The following ABLIM1 variants were observed in gnomAD, a reference collection of about 807,000 sequenced individuals.
The protein encoded by ABLIM1 is actin binding LIM protein 1.
In ABLIM1, 40 loss-of-function variants were observed where a neutral mutation model predicts 107.0. That is an observed-to-expected ratio of 0.37 (90% CI 0.29 to 0.49). The LOEUF is 0.49. Among genes scored for constraint, ABLIM1 ranks in the 20% least tolerant of loss-of-function variants. ABLIM1 has a pLI of 0.97. For missense variants in ABLIM1, 857 were observed against 1,008.5 expected, an observed-to-expected ratio of 0.85 and a Z score of 2.04; for synonymous variants, 357 against 357.3, an observed-to-expected ratio of 1.00 and a Z score of 0.01.
At chr10:114,567,062 G>C (rs573783282) in intron 4 of ABLIM1, among the ~76,000 whole-genome samples, 1 of 152,228 alleles carries the variant, frequency 6.6e-6, no homozygotes, top group Non-Finnish European at 1.5e-5. Context: ...AACAAAAACT[G>C]TCTGGTGGTT....
intron 1 of ABLIM1, among the ~76,000 whole-genome samples, chr10:114,724,176 T>G (rs1461092394): frequency 1.3e-5 from 2 of 152,308 alleles, no homozygotes; most frequent in South Asian, 2.1e-4. Context: ...CATTCATTAT[T>G]ATTGTGCAAC....
intron 1 of ABLIM1, among the ~76,000 whole-genome samples, chr10:114,742,200 A>G (rs2082301634): frequency 6.6e-6 from 1 of 151,962 alleles, no homozygotes; most frequent in African/African-American, 2.4e-5. Flanking sequence ...ATAAAAAACT[A>G]CTCTTTTGCG....
intron 6 of ABLIM1, among the ~76,000 whole-genome samples, chr10:114,525,524 C>G (rs773007408): frequency 1.3e-5 from 2 of 152,214 alleles, no homozygotes; most frequent in African/African-American, 2.4e-5. Context: ...TCTTAAAAAG[C>G]CTTCTCAAAA....
intron 4 of ABLIM1, among the ~76,000 whole-genome samples, chr10:114,550,006 C>G (rs2067849769): frequency 6.6e-6 from 1 of 152,164 alleles, no homozygotes; most frequent in Non-Finnish European, 1.5e-5. Context: ...TGTTTAACTT[C>G]ACATCCTCTG....
chr10:114,487,309 G>A (rs974471566), intron 8 of ABLIM1, among the ~76,000 whole-genome samples: 1 of 152,146 alleles, frequency 6.6e-6, no homozygotes, highest in African/African-American at 2.4e-5. Context: ...TCTGATTATT[G>A]CACTGAAAAA....
chr10:114,593,452 C>T (rs954561044), intron 2 of ABLIM1, among the ~76,000 whole-genome samples: 1 of 152,132 alleles, frequency 6.6e-6, no homozygotes, highest in African/African-American at 2.4e-5. Flanking sequence ...CTCCATGCTC[C>T]CCAAATCCCT....
intron 1 of ABLIM1, among the ~76,000 whole-genome samples, chr10:114,663,704 C>G (rs544477737): frequency 6.6e-6 from 1 of 152,202 alleles, no homozygotes; most frequent in South Asian, 2.1e-4. Context: ...GGCACATGCC[C>G]GAGAGGCCCT....
chr10:114,487,793 A>G (rs1439416222), intron 8 of ABLIM1, among the ~76,000 whole-genome samples, 165 bp downstream of exon 8: 2 of 152,228 alleles, frequency 1.3e-5, no homozygotes, highest in Non-Finnish European at 2.9e-5. Context: ...CGTTTAAGGT[A>G]AGAGGGGAAC....
At chr10:114,549,158 A>C (rs1321575419) in intron 4 of ABLIM1, among the ~76,000 whole-genome samples, 1 of 152,094 alleles carries the variant, frequency 6.6e-6, no homozygotes, top group Non-Finnish European at 1.5e-5. Context: ...GCCGAGGCGG[A>C]TGGATCACCT....
chr10:114,704,343 G>T (rs1314955616), intron 1 of ABLIM1, among the ~76,000 whole-genome samples: 1 of 95,592 alleles, frequency 1.0e-5, no homozygotes. Context: ...TATTGCGCGC[G>T]TTACATCTGT....
chr10:114,601,783 C>T lies in ABLIM1; in HGVS notation c.379+44G>A, dbSNP rs200517821. 283 of 1,613,846 alleles carry T rather than the reference C, an allele frequency of 1.8e-4. No individual in the cohort carries two copies. Among genetic ancestry groups the T allele is most frequent in the Admixed American group, 1.8e-4 (11 of 60,004 alleles). On this transcript the variant is annotated intron_variant, in intron 2 of 22. Transcript: ENST00000533213. ...GATGGGCTGGACCCAAGGCAAGCCC[C>T]GACCATGGCATGCCACTGAGCCACG...
chr10:114,440,778 G>A (rs183596630), intron 19 of ABLIM1: 9 of 618,606 alleles, frequency 1.5e-5, no homozygotes, highest in African/African-American at 1.3e-4. Flanking sequence ...ATCTGATAGA[G>A]TGCTCAGCAC....
At chr10:114,759,082 C>T (rs1377750458) in intron 1 of ABLIM1, among the ~76,000 whole-genome samples, 3 of 152,216 alleles carry the variant, frequency 2.0e-5, no homozygotes, top group African/African-American at 4.8e-5. Flanking sequence ...TTTGCATGCT[C>T]GACCCACAAC....
chr10:114,525,939 TC>T (rs1025809866), intron 6 of ABLIM1, among the ~76,000 whole-genome samples: 1 of 151,792 alleles, frequency 6.6e-6, no homozygotes, highest in African/African-American at 2.4e-5. Flanking sequence ...TAAAACACTT[TC>T]CCCCCAAAAA....
rs1228644656 is a variant in ABLIM1, at chr10:114,468,424, C to T, written c.1276-208G>A. Among the ~76,000 whole-genome samples the T allele has an allele frequency of 6.5e-4, 55 of 84,132 alleles. 1 individual carries two copies. The East Asian group carries it at 0.015, about 23-fold the overall frequency. The allele number at this position is 84,132 out of a possible 152,430, so 55.2% of individuals were successfully genotyped here. A position where few individuals can be genotyped will look rare whatever the true frequency, so the allele number is the denominator to read the frequency against. ...CAAGTAGCTGGGACTACAGGCGCCG[C>T]CACCACCCCCAGCTACTTTTTTTGT... On this transcript the variant is annotated intron_variant, in intron 10 of 22. Coordinates refer to ENST00000533213, the MANE Select transcript of ABLIM1 (RefSeq NM_002313.7).
At chr10:114,722,534 C>G (rs1456988448) in intron 1 of ABLIM1, among the ~76,000 whole-genome samples, 2 of 152,218 alleles carry the variant, frequency 1.3e-5, no homozygotes, top group Non-Finnish European at 2.9e-5. Context: ...GAGATCCAAA[C>G]TTCTAAATCA....
intron 12 of ABLIM1, among the ~76,000 whole-genome samples, chr10:114,464,188 T>TC (rs2064616014): frequency 6.6e-6 from 1 of 150,856 alleles, no homozygotes; most frequent in Admixed American, 6.6e-5. Flanking sequence ...TAAAGGATTT[T>TC]TTTTTTTTTT....
chr10:114,727,216 A>T (rs2081978648), intron 1 of ABLIM1, among the ~76,000 whole-genome samples: 1 of 152,224 alleles, frequency 6.6e-6, no homozygotes, highest in Non-Finnish European at 1.5e-5. Context: ...CAAATGCTTA[A>T]AAAGCCTTCA....
intron 1 of ABLIM1, among the ~76,000 whole-genome samples, chr10:114,604,651 G>T (rs934049830): frequency 6.6e-6 from 1 of 152,144 alleles, no homozygotes; most frequent in African/African-American, 2.4e-5. Flanking sequence ...TTAGAATTCA[G>T]ACAATATGAA....
Sources: allele counts gnomAD v4.1 joint callset (sites outside exome capture counted in the v4.1 genomes callset), GRCh38; gene constraint gnomAD v4.1.1; transcripts MANE v1.5; gene names NCBI Gene and HGNC (gene_info 2026-07-23, HGNC 2026-07-21).